The following GALNT13 variants were observed in gnomAD, a reference collection of about 807,000 sequenced individuals.
GALNT13 encodes the protein polypeptide N-acetylgalactosaminyltransferase 13, also known as UDP-GalNAc:polypeptide N-acetylgalactosaminyltransferase 13.
In GALNT13, 28 loss-of-function variants were observed where a neutral mutation model predicts 64.2. The observed-to-expected ratio is 0.44, with a 90% CI of 0.32 to 0.60. The LOEUF is 0.60. Ranked by LOEUF, GALNT13 falls within the 20% of genes least tolerant of loss-of-function variation. The pLI, the probability that GALNT13 is intolerant of heterozygous loss-of-function variation, is 0.05. For missense variants in GALNT13, 577 were observed against 669.8 expected, an observed-to-expected ratio of 0.86 and a Z score of 1.53; for synonymous variants, 214 against 224.6, an observed-to-expected ratio of 0.95 and a Z score of 0.42.
the GALNT13 span, among the ~76,000 whole-genome samples, chr2:153,745,551 T>C: frequency 1.2e-3 from 180 of 152,286 alleles, no homozygotes; most frequent in African/African-American, 4.2e-3. Flanking sequence ...GCAATTTCCA[T>C]TTCTAAATTC....
chr2:153,440,682 T>G, the GALNT13 span, among the ~76,000 whole-genome samples: 2 of 152,260 alleles, frequency 1.3e-5, no homozygotes, highest in African/African-American at 4.8e-5. Flanking sequence ...GGTTTTGATT[T>G]GCAGTTATCT....
chr2:153,609,853 C>T, the GALNT13 span, among the ~76,000 whole-genome samples: 4 of 152,244 alleles, frequency 2.6e-5, no homozygotes, highest in Non-Finnish European at 2.9e-5. Context: ...CACCAACATA[C>T]TGTCTAGGCA....
At chr2:153,665,874 C>A in the GALNT13 span, among the ~76,000 whole-genome samples, 1 of 152,092 alleles carries the variant, frequency 6.6e-6, no homozygotes, top group African/African-American at 2.4e-5. Flanking sequence ...GGACTCCAGG[C>A]AGTGTGGAGC....
At chr2:153,463,992 A>G in the GALNT13 span, among the ~76,000 whole-genome samples, 3 of 152,078 alleles carry the variant, frequency 2.0e-5, no homozygotes, top group Non-Finnish European at 4.4e-5. Flanking sequence ...AAGCCAGGAC[A>G]TATGAGTAGA....
the GALNT13 span, among the ~76,000 whole-genome samples, chr2:153,499,516 C>T: frequency 1.3e-5 from 2 of 152,172 alleles, no homozygotes. Flanking sequence ...CCCCTTTCCA[C>T]CCAGGAGCCT....
the GALNT13 span, among the ~76,000 whole-genome samples, chr2:153,853,740 T>C: frequency 6.7e-6 from 1 of 150,014 alleles, no homozygotes; most frequent in East Asian, 1.9e-4. Flanking sequence ...ATTATACAAT[T>C]GTATAATATA....
the GALNT13 span, among the ~76,000 whole-genome samples, chr2:153,094,280 A>G: frequency 6.6e-6 from 1 of 151,822 alleles, no homozygotes; most frequent in Non-Finnish European, 1.5e-5. Flanking sequence ...CCCTCTGTAT[A>G]CTGCGTTTTT....
chr2:153,216,813 T>C, the GALNT13 span, among the ~76,000 whole-genome samples: 1 of 152,024 alleles, frequency 6.6e-6, no homozygotes, highest in Non-Finnish European at 1.5e-5. Context: ...AAATGTTCAA[T>C]TTATCAATTT....
the GALNT13 span, among the ~76,000 whole-genome samples, chr2:153,342,748 G>A: frequency 6.6e-6 from 1 of 152,108 alleles, no homozygotes; most frequent in Admixed American, 6.5e-5. Context: ...CATTATAGAT[G>A]TCTCATCTTC....
At chr2:154,393,005 A>T (rs1250065490) in intron 9 of GALNT13, among the ~76,000 whole-genome samples, 1 of 152,202 alleles carries the variant, frequency 6.6e-6, no homozygotes, top group Non-Finnish European at 1.5e-5. Context: ...TCCTTGAGAA[A>T]ATCAGTGGAT....
the GALNT13 span, among the ~76,000 whole-genome samples, chr2:153,126,524 T>C: frequency 3.3e-5 from 5 of 151,732 alleles, no homozygotes; most frequent in African/African-American, 9.7e-5. Context: ...AGTGATAGAG[T>C]GTGGCCCAGC....
intron 2 of GALNT13, among the ~76,000 whole-genome samples, chr2:153,936,023 A>C (rs1046029035): frequency 6.6e-6 from 1 of 152,220 alleles, no homozygotes; most frequent in Non-Finnish European, 1.5e-5. Context: ...AAATATACAG[A>C]GACTCATTAT....
the GALNT13 span, among the ~76,000 whole-genome samples, chr2:153,817,972 A>G: frequency 6.6e-6 from 1 of 152,158 alleles, no homozygotes; most frequent in African/African-American, 2.4e-5. Context: ...AAAGAGTTTG[A>G]GTAAATACCA....
chr2:153,683,415 G>A, the GALNT13 span, among the ~76,000 whole-genome samples: 2,419 of 132,970 alleles, frequency 0.018, 50 homozygotes, highest in African/African-American at 0.061. Flanking sequence ...ATAAAAAATT[G>A]TGGTTTGCAT....
chr2:154,176,240 ATTATTTATTTATTTAT>A lies in GALNT13; in HGVS notation c.311+35772_311+35787del, dbSNP rs3075864. Among the ~76,000 whole-genome samples, 175 of 132,750 alleles carry A rather than the reference ATTATTTATTTATTTAT, an allele frequency of 1.3e-3. 3 individuals carry two copies. In the East Asian group the frequency reaches 0.023, roughly 17 times the overall value. 87.1% of individuals were successfully genotyped at this position (132,750 alleles called of 152,430 possible). A position where few individuals can be genotyped will look rare whatever the true frequency, so the allele number is the denominator to read the frequency against. On this transcript the variant is annotated intron_variant, in intron 4 of 12. Coordinates refer to ENST00000392825, the MANE Select transcript of GALNT13 (RefSeq NM_052917.4). ...GTTTAAGGTCTAGTAGAACATATAT[ATTATTTATTTATTTAT>A]TTATTTATTTATTTATTTATTTATT... is the stretch of plus-strand genomic sequence containing the variant.
chr2:154,299,225 C>A (rs922962274), intron 8 of GALNT13, among the ~76,000 whole-genome samples: 39 of 150,902 alleles, frequency 2.6e-4, no homozygotes, highest in African/African-American at 7.3e-4. Flanking sequence ...TAATGAGAAA[C>A]GTTAATATTT....
the GALNT13 span, among the ~76,000 whole-genome samples, chr2:153,755,675 A>G: frequency 6.6e-6 from 1 of 152,146 alleles, no homozygotes; most frequent in Non-Finnish European, 1.5e-5. Context: ...GCTTTCAGAA[A>G]TGTTTCCTGA....
Position 154,443,658 on chromosome 2 carries a change from TAA to T in GALNT13, c.1530+4933_1530+4934del, listed in dbSNP as rs764418992. Among the ~76,000 whole-genome samples the T allele has an allele frequency of 5.3e-5, 8 of 152,202 alleles. No individual in the cohort carries two copies. In the East Asian group the frequency reaches 9.7e-4, roughly 18 times the overall value. ...AAGGTATGGCCTAATTTTACAATATTAATGGCTCTTATTTTGTCACCAAAATT... is the reference window on the plus strand; with the variant it reads ...AAGGTATGGCCTAATTTTACAATATTTGGCTCTTATTTTGTCACCAAAATT... On this transcript the variant is annotated intron_variant, in intron 12 of 12. Coordinates refer to ENST00000392825, the MANE Select transcript of GALNT13 (RefSeq NM_052917.4).
chr2:153,506,088 CATT>C, the GALNT13 span, among the ~76,000 whole-genome samples: 44 of 152,226 alleles, frequency 2.9e-4, no homozygotes, highest in East Asian at 6.9e-3. Context: ...GAACTTTTAT[CATT>C]ATATAATGTC....
Sources: allele counts gnomAD v4.1 joint callset (sites outside exome capture counted in the v4.1 genomes callset), GRCh38; gene constraint gnomAD v4.1.1; transcripts MANE v1.5; gene names NCBI Gene and HGNC (gene_info 2026-07-23, HGNC 2026-07-21).